MS4A4E: variants seen among roughly 807,000 people sequenced by gnomAD.
MS4A4E encodes putative membrane-spanning 4-domains subfamily A member 4E.
A neutral mutation model predicts 13.3 loss-of-function variants in MS4A4E; 23 were observed. The ratio of observed to expected loss-of-function variants is 1.73; its 90% CI spans 1.25 to 2.45. MS4A4E has a LOEUF of 2.45. MS4A4E is among the 30% of genes most tolerant of loss of function. The pLI, the probability that MS4A4E is intolerant of heterozygous loss-of-function variation, is 0.00. For missense variants in MS4A4E, 144 were observed against 131.2 expected (o/e 1.10, Z -0.48); for synonymous variants, 36 against 45.6 (o/e 0.79, Z 0.85).
At chr11:60,235,226 G>A (rs1030109260) in intron 1 of MS4A4E, among the ~76,000 whole-genome samples, 1 of 152,092 alleles carries the variant, frequency 6.6e-6, no homozygotes, top group Admixed American at 6.6e-5. Context: ...CAAAGTAGCT[G>A]GGATTACAGG....
Position 60,204,961 on chromosome 11 carries a change from G to A in MS4A4E, c.591-3C>T, listed in dbSNP as rs2084021617. ...CCAGATACTGTCCATCTCCGGAGCTGGAGAAAGTAGACAGGTTAGCATTGA... is the reference window on the plus strand; with the variant it reads ...CCAGATACTGTCCATCTCCGGAGCTAGAGAAAGTAGACAGGTTAGCATTGA... On this transcript the variant is annotated splice_polypyrimidine_tract_variant and splice_region_variant and intron_variant, in intron 7 of 8. Coordinates refer to ENST00000651255, the MANE Select transcript of MS4A4E (RefSeq NM_001393391.1). 1.3e-5 allele frequency among the ~76,000 whole-genome samples: 2 copies of A among 152,174 alleles called. No homozygotes were observed. The highest frequency in any genetic ancestry group is 4.1e-4 in the South Asian group (2 of 4,828).
Position 60,201,775 on chromosome 11 carries a change from G to A in MS4A4E, c.764C>T (p.Pro255Leu), listed in dbSNP as rs12271072. The change falls in exon 9 of 9, where the codon CCG becomes CTG. Residue 255 changes from proline to leucine, a missense_variant. Pro to Leu is a moderately conservative substitution (Grantham distance 98). Coordinates refer to ENST00000651255, the MANE Select transcript of MS4A4E (RefSeq NM_001393391.1). ...PSRLPWPPKV[P>L]RVQPLPGRHP... ...GCGGCCGGGCAGAGGCTGCACTCTC[G>A]GCACTTTGGGAGGCCAAGGCAGGCG... The A allele has an allele frequency of 0.012, 2,781 of 225,584 alleles. 81 individuals are homozygous for A. Among genetic ancestry groups the A allele is most frequent in the African/African-American group, 0.062 (2,618 of 42,110 alleles). The allele number at this position is 225,584 out of a possible 1,614,324, so 14.0% of individuals were successfully genotyped here.
intron 3 of MS4A4E, among the ~76,000 whole-genome samples, chr11:60,216,719 A>T (rs2084199076): frequency 6.6e-6 from 1 of 152,044 alleles, no homozygotes; most frequent in Non-Finnish European, 1.5e-5. Context: ...ATTGAATTGA[A>T]GGATGCAAAG....
chr11:60,213,224 A>C, intron 4 of MS4A4E, 92 bp from the exon 5 acceptor site: 1 of 1,436,446 alleles, frequency 7.0e-7, no homozygotes, highest in Non-Finnish European at 9.5e-7. Context: ...CCTTTATCTT[A>C]TTTCAATAGT....
intron 5 of MS4A4E, among the ~76,000 whole-genome samples, chr11:60,210,051 T>G (rs2084099547): frequency 1.3e-5 from 2 of 152,196 alleles, no homozygotes; most frequent in Non-Finnish European, 2.9e-5. Flanking sequence ...GATGGCAAGC[T>G]TTCCGTAAAG....
At chr11:60,216,106 T>A (rs917435784) in intron 3 of MS4A4E, among the ~76,000 whole-genome samples, 1 of 152,200 alleles carries the variant, frequency 6.6e-6, no homozygotes, top group Non-Finnish European at 1.5e-5. Flanking sequence ...AGAGGCACTT[T>A]GCAGGTGATG....
intron 3 of MS4A4E, chr11:60,225,134 A>C (rs1476753184): frequency 6.9e-7 from 1 of 1,454,702 alleles, no homozygotes; most frequent in Non-Finnish European, 9.1e-7. Flanking sequence ...CCACCACAAA[A>C]ATGGTGCTTA....
intron 3 of MS4A4E, among the ~76,000 whole-genome samples, chr11:60,217,518 C>T (rs575413646): frequency 3.3e-5 from 5 of 152,230 alleles, no homozygotes; most frequent in African/African-American, 1.2e-4. Flanking sequence ...GGAGATAAAC[C>T]CTGCGCTGCC....
At chr11:60,209,161 T>A (rs905897054) in intron 5 of MS4A4E, 1 of 152,246 alleles carries the variant, frequency 6.6e-6, no homozygotes, top group Non-Finnish European at 1.5e-5. Flanking sequence ...ACCATTGTTC[T>A]TTTTGCACAA....
intron 3 of MS4A4E, chr11:60,224,966 A>C: frequency 6.6e-7 from 1 of 1,516,636 alleles, no homozygotes; most frequent in Non-Finnish European, 8.8e-7. Flanking sequence ...CCTGCTTACC[A>C]TCACTGACCC....
chr11:60,210,630 C>G (rs1165371355), intron 5 of MS4A4E, among the ~76,000 whole-genome samples: 1 of 152,182 alleles, frequency 6.6e-6, no homozygotes, highest in African/African-American at 2.4e-5. Flanking sequence ...TCCAGCATTT[C>G]TATCTTTTTC....
intron 3 of MS4A4E, among the ~76,000 whole-genome samples, chr11:60,218,007 T>C (rs772703122): frequency 6.6e-6 from 1 of 152,042 alleles, no homozygotes; most frequent in African/African-American, 2.4e-5. Flanking sequence ...CAAAAGCAAA[T>C]GGGAGAAAGA....
intron 3 of MS4A4E, among the ~76,000 whole-genome samples, chr11:60,220,291 GT>G (rs2084253082): frequency 6.6e-6 from 1 of 152,224 alleles, no homozygotes; most frequent in Non-Finnish European, 1.5e-5. Flanking sequence ...TCCAGTTGCA[GT>G]TGCTGTACCA....
chr11:60,209,469 A>C (rs2084091956), intron 5 of MS4A4E, among the ~76,000 whole-genome samples: 1 of 152,232 alleles, frequency 6.6e-6, no homozygotes. Context: ...ATTTTAGCCC[A>C]GTGAGACCCA....
chr11:60,214,717 T>G, intron 3 of MS4A4E, 103 bp from the exon 4 acceptor site: 1 of 692,488 alleles, frequency 1.4e-6, no homozygotes, highest in East Asian at 2.9e-5. Flanking sequence ...ATTAGATAGA[T>G]ATGTATAAAC....
chr11:60,212,605 G>A (rs534134357), intron 5 of MS4A4E, among the ~76,000 whole-genome samples: 3 of 152,296 alleles, frequency 2.0e-5, no homozygotes, highest in South Asian at 4.1e-4. Context: ...CACCGTGTCC[G>A]GCTGGGACTG....
chr11:60,207,492 T>C (rs1361872557), intron 6 of MS4A4E, among the ~76,000 whole-genome samples: 4 of 152,134 alleles, frequency 2.6e-5, no homozygotes, highest in Non-Finnish European at 5.9e-5. Context: ...CTATAGTCAA[T>C]CTCTCTTCTA....
intron 8 of MS4A4E, among the ~76,000 whole-genome samples, 122 bp downstream of exon 8, chr11:60,204,768 G>A (rs1042499736): frequency 2.0e-5 from 3 of 152,106 alleles, no homozygotes; most frequent in Non-Finnish European, 4.4e-5. Context: ...TAGGCTACAT[G>A]TATTCTCACT....
At chr11:60,231,651 T>C (rs1448099016) in intron 1 of MS4A4E, among the ~76,000 whole-genome samples, 1 of 152,166 alleles carries the variant, frequency 6.6e-6, no homozygotes, top group African/African-American at 2.4e-5. Flanking sequence ...CCTTGAGGTG[T>C]ACAGCATAAA....
Sources: allele counts gnomAD v4.1 joint callset (sites outside exome capture counted in the v4.1 genomes callset), GRCh38; gene constraint gnomAD v4.1.1; transcripts MANE v1.5; gene names NCBI Gene and HGNC (gene_info 2026-07-23, HGNC 2026-07-21).